The following ADAMTS9 variants were observed in gnomAD, a reference collection of about 807,000 sequenced individuals.
ADAMTS9 encodes ADAM metallopeptidase with thrombospondin type 1 motif 9.
In ADAMTS9, 107 loss-of-function variants were observed where a neutral mutation model predicts 257.1. The ratio of observed to expected loss-of-function variants is 0.42; its 90% CI spans 0.36 to 0.49. The LOEUF (loss-of-function observed/expected upper bound fraction) is 0.49, where lower values mean the gene tolerates loss of function less well. Ranked by LOEUF, ADAMTS9 falls within the 20% of genes least tolerant of loss-of-function variation. ADAMTS9 has a pLI of 0.03. For missense variants in ADAMTS9, 2,353 were observed against 2,469.1 expected, an observed-to-expected ratio of 0.95 and a Z score of 1.00; for synonymous variants, 982 against 880.9, an observed-to-expected ratio of 1.11 and a Z score of -2.03.
chr3:64,682,229 A>T (rs1265466239), intron 2 of ADAMTS9, among the ~76,000 whole-genome samples: 1 of 152,162 alleles, frequency 6.6e-6, no homozygotes, highest in African/African-American at 2.4e-5. Flanking sequence ...TCAGCTGGGG[A>T]TAAAGATACT....
intron 11 of ADAMTS9, among the ~76,000 whole-genome samples, 170 bp from the exon 12 acceptor site, chr3:64,642,163 A>C (rs535770916): frequency 2.6e-5 from 4 of 152,326 alleles, no homozygotes; most frequent in African/African-American, 9.6e-5. Flanking sequence ...TTAATCTCAC[A>C]CTTAGTGATT....
chr3:64,617,712 G>C (rs1211966392), intron 19 of ADAMTS9, among the ~76,000 whole-genome samples: 1 of 152,114 alleles, frequency 6.6e-6, no homozygotes, highest in Non-Finnish European at 1.5e-5. Context: ...GAATTCAAAA[G>C]GTTTTATATA....
intron 32 of ADAMTS9, among the ~76,000 whole-genome samples, chr3:64,542,204 C>A (rs573894385): frequency 6.8e-6 from 1 of 146,752 alleles, no homozygotes; most frequent in African/African-American, 2.5e-5. Context: ...GTATAAAACA[C>A]TTATATGTGT....
chr3:64,650,041 A>C, intron 9 of ADAMTS9: 5 of 371,446 alleles, frequency 1.3e-5, no homozygotes, highest in Non-Finnish European at 1.4e-5. Flanking sequence ...ACTTCACAGC[A>C]ATTATCTGTT....
At chr3:64,597,027 A>G (rs766413081) in intron 26 of ADAMTS9, 36 bp from the exon 27 acceptor site, 3 of 1,610,928 alleles carry the variant, frequency 1.9e-6, no homozygotes, top group African/African-American at 2.7e-5. Context: ...TCCCCACCTC[A>G]ATCTCCATCT....
At chr3:64,681,510 A>G in intron 2 of ADAMTS9, 147 bp from the exon 3 acceptor site, 2 of 737,878 alleles carry the variant, frequency 2.7e-6, no homozygotes, top group Non-Finnish European at 4.2e-6. Flanking sequence ...ATGCTGCAAC[A>G]TATGCGGAGA....
At chr3:64,647,336 G>A (rs1404351018) in intron 11 of ADAMTS9, among the ~76,000 whole-genome samples, 5 of 152,034 alleles carry the variant, frequency 3.3e-5, no homozygotes, top group African/African-American at 7.3e-5. Context: ...CATACTCCTA[G>A]GTGCATGAGA....
chr3:64,674,333 G>A (rs1436004088), intron 3 of ADAMTS9, among the ~76,000 whole-genome samples: 1 of 152,156 alleles, frequency 6.6e-6, no homozygotes, highest in South Asian at 2.1e-4. Context: ...AGGAAATCAG[G>A]CTCAAACCAT....
intron 12 of ADAMTS9, among the ~76,000 whole-genome samples, chr3:64,638,289 T>G (rs1300982382): frequency 6.6e-6 from 1 of 152,162 alleles, no homozygotes; most frequent in South Asian, 2.1e-4. Flanking sequence ...ACAAGGAAGC[T>G]CTGAGCCAAA....
chr3:64,670,721 G>A (rs1057052729), intron 3 of ADAMTS9, among the ~76,000 whole-genome samples: 3 of 152,190 alleles, frequency 2.0e-5, no homozygotes, highest in Admixed American at 6.5e-5. Flanking sequence ...TTGAACAGAC[G>A]CTTCACCAAA....
chr3:64,684,557 A>G (rs1701845473), intron 2 of ADAMTS9, among the ~76,000 whole-genome samples: 1 of 152,178 alleles, frequency 6.6e-6, no homozygotes, highest in Non-Finnish European at 1.5e-5. Context: ...ACAAAGGGGC[A>G]GGGGTTTTGG....
chr3:64,687,497 G>A lies in ADAMTS9; in HGVS notation c.115+46C>T, dbSNP rs1043578437. ...CCCTGCCCAGGAGCGAGGACCGGGA[G>A]GCGGCGTCGGGGCCGGCGGGGTCCC... On this transcript the variant is annotated intron_variant, in intron 1 of 39. Coordinates refer to ENST00000498707, the MANE Select transcript of ADAMTS9 (RefSeq NM_182920.2). The surrounding 1 kb of genome is among the most constrained non-coding windows in gnomAD (Gnocchi z 4.4). 6.9e-7 allele frequency: 1 copy of A among 1,440,138 alleles called. No homozygotes were observed. Among genetic ancestry groups the A allele is most frequent in the African/African-American group, 1.5e-5 (1 of 68,340 alleles). The allele number at this position is 1,440,138 out of a possible 1,614,324, so 89.2% of individuals were successfully genotyped here.
Position 64,552,369 on chromosome 3 carries a change from C to T in ADAMTS9, c.4699-1307G>A, listed in dbSNP as rs1274086943. Among the ~76,000 whole-genome samples, 3 of 152,320 alleles carry T rather than the reference C, an allele frequency of 2.0e-5. No individual in the cohort carries two copies. The East Asian group carries it at 5.8e-4, about 29-fold the overall frequency. ...TAGTGCCCTGTGTTGCTAAAGGTCA[C>T]TGAAAGCCTATTGTATCTAAAGCCT... On this transcript the variant is annotated intron_variant, in intron 30 of 39. Transcript: ENST00000498707.
rs200893934 is a variant in ADAMTS9, at chr3:64,658,568, T to A, written c.903A>T (p.Ala301=). 26 of 1,614,178 alleles carry A rather than the reference T, an allele frequency of 1.6e-5. No homozygotes were observed. The East Asian group carries it at 5.1e-4, about 32-fold the overall frequency. Residue 301 remains alanine, a synonymous_variant, in exon 4 of 40, where the codon GCA becomes GCT. Transcript: ENST00000498707. ...YPRFVEVLVV[A]DNRMVSYHGE... is the part of the protein sequence containing the mutation. The stretch of plus-strand genomic sequence containing the variant: ...CATGGTATGAAACCATTCTGTTGTC[T>A]GCCACCACCAAGACTTCTACAAACC...
chr3:64,620,292 C>A (rs975040975), intron 19 of ADAMTS9, among the ~76,000 whole-genome samples: 1 of 152,178 alleles, frequency 6.6e-6, no homozygotes, highest in African/African-American at 2.4e-5. Context: ...TACAGGCAGC[C>A]AATACCCTTT....
intron 28 of ADAMTS9, among the ~76,000 whole-genome samples, chr3:64,569,636 C>T (rs752823153): frequency 3.0e-5 from 4 of 133,738 alleles, no homozygotes; most frequent in Non-Finnish European, 4.4e-5. Context: ...ACCAAGCATG[C>T]TCAGTTATCC....
chr3:64,554,741 C>T (rs923941177), intron 30 of ADAMTS9, among the ~76,000 whole-genome samples: 2 of 152,298 alleles, frequency 1.3e-5, no homozygotes, highest in Non-Finnish European at 2.9e-5. Flanking sequence ...CTAAATCGGG[C>T]AGCTCGCCCA....
intron 10 of ADAMTS9, among the ~76,000 whole-genome samples, chr3:64,648,827 C>G (rs554241247): frequency 6.6e-6 from 1 of 152,148 alleles, no homozygotes; most frequent in Non-Finnish European, 1.5e-5. Flanking sequence ...TTTAACCTTT[C>G]TTTTGCTTGG....
chr3:64,656,137 G>C, intron 4 of ADAMTS9: 2 of 323,564 alleles, frequency 6.2e-6, no homozygotes, highest in South Asian at 1.2e-4. Flanking sequence ...ACAGTTCTCT[G>C]TACCAGAACA....
Sources: allele counts gnomAD v4.1 joint callset (sites outside exome capture counted in the v4.1 genomes callset), GRCh38; gene constraint gnomAD v4.1.1; non-coding constraint Gnocchi (gnomAD v3.1); transcripts MANE v1.5; gene names NCBI Gene and HGNC (gene_info 2026-07-23, HGNC 2026-07-21).